ABCA1: variants seen among roughly 807,000 people sequenced by gnomAD.
The protein encoded by ABCA1 is phospholipid-transporting ATPase ABCA1.
In ABCA1, 133 loss-of-function variants were observed where a neutral mutation model predicts 262.5. The observed-to-expected ratio is 0.51, with a 90% CI of 0.44 to 0.59. ABCA1 has a LOEUF of 0.59. Ranked by LOEUF, ABCA1 falls within the 20% of genes least tolerant of loss-of-function variation. ABCA1 has a pLI of 0.00. For synonymous variants in ABCA1, 1,022 were observed against 1,043.5 expected (o/e 0.98, Z 0.40); for missense variants, 2,452 against 2,777.5 (o/e 0.88, Z 2.63).
intron 5 of ABCA1, among the ~76,000 whole-genome samples, chr9:104,867,273 A>G (rs149635298): frequency 1.3e-5 from 2 of 152,298 alleles, no homozygotes; most frequent in East Asian, 1.9e-4. Context: ...TAAAATGGAG[A>G]TGACAATGGC....
At chr9:104,916,501 C>G (rs1281130817) in intron 1 of ABCA1, among the ~76,000 whole-genome samples, 1 of 152,190 alleles carries the variant, frequency 6.6e-6, no homozygotes, top group Non-Finnish European at 1.5e-5. Flanking sequence ...TCTACAGACA[C>G]AATTTCTTCT....
chr9:104,818,596 C>G, intron 23 of ABCA1, 67 bp downstream of exon 23: 1 of 1,458,978 alleles, frequency 6.9e-7, no homozygotes, highest in Non-Finnish European at 9.6e-7. Flanking sequence ...ATGGAGAAAT[C>G]ATTCACAGCC....
intron 5 of ABCA1, among the ~76,000 whole-genome samples, chr9:104,875,630 C>T (rs959934310): frequency 3.3e-5 from 5 of 152,012 alleles, no homozygotes; most frequent in Non-Finnish European, 7.4e-5. Flanking sequence ...CTGGCAAAAT[C>T]CTTATAAGCT....
chr9:104,925,359 G>A (rs1289763046), intron 1 of ABCA1, among the ~76,000 whole-genome samples: 2 of 147,614 alleles, frequency 1.4e-5, no homozygotes, highest in African/African-American at 4.9e-5. Context: ...CTGGGAAACA[G>A]AGCGAGACTG....
At position 104,806,282 on chromosome 9, in the gene ABCA1, G is replaced by C; in HGVS notation, c.4423C>G (p.Pro1475Ala). 1 of 1,613,840 alleles carries C rather than the reference G, an allele frequency of 6.2e-7. No individual in the cohort carries two copies. The highest frequency in any genetic ancestry group is 1.1e-5 in the South Asian group (1 of 91,064). ...CSSDKIKKML[P>A]VCPPGAGGLP... ...CCCCCTGCCCCTGGGGGACACACAG[G>C]CAGCATCTTCTTGATTTTGTCGCTG... Residue 1475 changes from proline to alanine, a missense_variant, in exon 31 of 50, where the codon CCT (proline) becomes GCT (alanine). Around this residue, in one of 4 missense-constraint regions of ABCA1, gnomAD observed 665 missense variants for 727.3 expected, o/e 0.91. Coordinates refer to ENST00000374736, the MANE Select transcript of ABCA1 (RefSeq NM_005502.4).
At chr9:104,849,265 G>T (rs564545697) in intron 7 of ABCA1, among the ~76,000 whole-genome samples, 2 of 152,262 alleles carry the variant, frequency 1.3e-5, no homozygotes, top group South Asian at 4.1e-4. Context: ...TGTAAACATA[G>T]GTCCTTATTA....
In ABCA1 at chr9:104,818,716, A is replaced by T; in HGVS notation, c.3409T>A (p.Ser1137Thr). ...CTGTTTCTGCAGGAACTGAGGGAGG[A>T]TTCCACATCTTTCTTGACCAAGGTC... ...YLTLVKKDVE[S>T]SLSSCRNSSS... Residue 1137 changes from serine to threonine, a missense_variant, in exon 23 of 50, where the codon TCC becomes ACC. Ser to Thr is a moderately conservative substitution (Grantham distance 58). Transcript: ENST00000374736. 1 of 1,613,576 alleles carries T rather than the reference A, an allele frequency of 6.2e-7. No individual in the cohort carries two copies. The highest frequency in any genetic ancestry group is 8.5e-7 in the Non-Finnish European group (1 of 1,180,016).
At chr9:104,812,462 A>C in intron 28 of ABCA1, 112 bp downstream of exon 28, 1 of 1,398,128 alleles carries the variant, frequency 7.2e-7, no homozygotes, top group Non-Finnish European at 1.0e-6. Context: ...ATACAGATAA[A>C]TCTGGCTCCG....
chr9:104,874,804 G>A lies in ABCA1; in HGVS notation c.421+8235C>T, dbSNP rs1175456. ...GGGGGCAGCCCCCGCCCGGCCAGCC[G>A]CCCCGTCCGGGAGGGAGGTGGGGGC... On this transcript the variant is annotated intron_variant, in intron 5 of 49. Transcript: ENST00000374736. 4.6e-4 allele frequency among the ~76,000 whole-genome samples: 60 copies of A among 130,802 alleles called. No homozygotes were observed. In the South Asian group the frequency reaches 0.012, roughly 26 times the overall value. The allele number at this position is 130,802 out of a possible 152,430, so 85.8% of individuals were successfully genotyped here.
At chr9:104,855,878 C>T in intron 7 of ABCA1, 2 of 1,612,802 alleles carry the variant, frequency 1.2e-6, no homozygotes, top group Non-Finnish European at 1.7e-6. Context: ...ATACCCTTGG[C>T]TGGAAACAGG....
chr9:104,820,513 A>G (rs1384407815), intron 20 of ABCA1, among the ~76,000 whole-genome samples: 1 of 152,180 alleles, frequency 6.6e-6, no homozygotes, highest in Non-Finnish European at 1.5e-5. Context: ...ACTTTAGATG[A>G]GGAGGGAGCA....
intron 20 of ABCA1, among the ~76,000 whole-genome samples, chr9:104,821,035 G>A (rs187302932): frequency 2.4e-4 from 36 of 152,302 alleles, no homozygotes; most frequent in African/African-American, 8.4e-4. Context: ...ACGAGGTCAA[G>A]ACATTGAGAC....
Position 104,804,511 on chromosome 9 carries a change from A to C in ABCA1, c.4559+115T>G. ...GGATAATATCCTAAACTTCCAATAG[A>C]CAGAATCAGGCCATAATCTGGCATT... On this transcript the variant is annotated intron_variant, in intron 32 of 49. Transcript: ENST00000374736. 3 of 863,834 alleles carry C rather than the reference A, an allele frequency of 3.5e-6. No individual in the cohort carries two copies. The South Asian group carries it at 4.0e-5, about 11-fold the overall frequency. 53.5% of individuals were successfully genotyped at this position (863,834 alleles called of 1,614,324 possible).
At chr9:104,826,517 T>A (rs1276871002) in intron 16 of ABCA1, among the ~76,000 whole-genome samples, 1 of 152,208 alleles carries the variant, frequency 6.6e-6, no homozygotes, top group Non-Finnish European at 1.5e-5. Flanking sequence ...CAAAACACCA[T>A]ACTGGACACA....
At position 104,812,641 on chromosome 9, in the gene ABCA1, T is replaced by C; in HGVS notation, c.3983A>G (p.Gln1328Arg). The change falls in exon 28 of 50, where the codon CAG becomes CGG. Residue 1328 changes from glutamine (Q) to arginine (R), a missense_variant. By Grantham distance (43) the Gln-to-Arg change is conservative (BLOSUM62 1). This residue lies in a region of ABCA1 where 665 missense variants were observed against 727.3 expected (regional missense o/e 0.91). Transcript: ENST00000374736. ...QVKGWKLTQQQFVALLWKRLL... is the reference protein window; with the variant it reads ...QVKGWKLTQQRFVALLWKRLL... ...TCTCTTCCACAAAAGGGCCACAAAC[T>C]GTTGCTGTGTAAGTTTCCAGCCTTT... 1.2e-6 allele frequency: 2 copies of C among 1,614,232 alleles called. No homozygotes were observed. The highest frequency in any genetic ancestry group is 8.5e-7 in the Non-Finnish European group (1 of 1,180,040).
chr9:104,856,056 C>A (rs1054883222), intron 7 of ABCA1: 1 of 1,608,718 alleles, frequency 6.2e-7, no homozygotes, highest in African/African-American at 1.3e-5. Context: ...CAGTTAACTG[C>A]CCATGTGCAA....
At chr9:104,876,225 A>G (rs1315422197) in intron 5 of ABCA1, among the ~76,000 whole-genome samples, 1 of 152,226 alleles carries the variant, frequency 6.6e-6, no homozygotes, top group Non-Finnish European at 1.5e-5. Flanking sequence ...CAGCATAAGC[A>G]ATGGCAAGGC....
At chr9:104,909,158 A>G (rs1841346550) in intron 1 of ABCA1, among the ~76,000 whole-genome samples, 1 of 152,220 alleles carries the variant, frequency 6.6e-6, no homozygotes, top group African/African-American at 2.4e-5. Flanking sequence ...CCACTTATAA[A>G]TTCCACAAAC....
intron 1 of ABCA1, among the ~76,000 whole-genome samples, chr9:104,904,928 G>A (rs193298960): frequency 4.6e-5 from 7 of 151,598 alleles, no homozygotes; most frequent in South Asian, 2.1e-4. Flanking sequence ...AGGTCTTCTC[G>A]TGAACAAGGG....
Sources: allele counts gnomAD v4.1 joint callset (sites outside exome capture counted in the v4.1 genomes callset), GRCh38; gene constraint gnomAD v4.1.1; regional missense constraint gnomAD v4.1.1; transcripts MANE v1.5; gene names NCBI Gene and HGNC (gene_info 2026-07-23, HGNC 2026-07-21).